The following ASIC2 variants were observed in gnomAD, a reference collection of about 807,000 sequenced individuals.
ASIC2 encodes acid sensing ion channel subunit 2.
In ASIC2, 25 loss-of-function variants were observed where a neutral mutation model predicts 57.3. The ratio of observed to expected loss-of-function variants is 0.44; its 90% CI spans 0.32 to 0.61. The LOEUF is 0.61. Ranked by LOEUF, ASIC2 falls within the 20% of genes least tolerant of loss-of-function variation. The probability of loss-of-function intolerance (pLI) is 0.06; values close to 1 mark genes in which losing one functional copy is unlikely to be tolerated. For synonymous variants in ASIC2, 319 were observed against 307.5 expected (o/e 1.04, Z -0.39); for missense variants, 641 against 738.1 (o/e 0.87, Z 1.52).
At chr17:33,314,639 A>G (rs1355891109) in intron 1 of ASIC2, among the ~76,000 whole-genome samples, 1 of 152,244 alleles carries the variant, frequency 6.6e-6, no homozygotes, top group African/African-American at 2.4e-5. Flanking sequence ...ACCAGGCCTC[A>G]TAAAAAGCAG....
intron 1 of ASIC2, among the ~76,000 whole-genome samples, chr17:33,500,892 C>T (rs1914081221): frequency 6.6e-6 from 1 of 152,250 alleles, no homozygotes; most frequent in Admixed American, 6.5e-5. Context: ...GCCTGGTGTT[C>T]CTTGTATGTG....
At chr17:33,118,634 C>T (rs1287615940) in intron 1 of ASIC2, among the ~76,000 whole-genome samples, 1 of 152,086 alleles carries the variant, frequency 6.6e-6, no homozygotes, top group Admixed American at 6.5e-5. Context: ...GAGCAAAGTG[C>T]CAGACACCAA....
At chr17:33,363,830 G>A (rs577079153) in intron 1 of ASIC2, among the ~76,000 whole-genome samples, 1 of 152,270 alleles carries the variant, frequency 6.6e-6, no homozygotes, top group African/African-American at 2.4e-5. Context: ...CCAAGCTTCC[G>A]GGCACATTGG....
chr17:33,178,506 C>A (rs1315061754), intron 1 of ASIC2, among the ~76,000 whole-genome samples: 1 of 152,176 alleles, frequency 6.6e-6, no homozygotes, highest in Non-Finnish European at 1.5e-5. Flanking sequence ...GGGACAAAAT[C>A]ATAAATAAAA....
At chr17:34,131,212 A>G (rs1911946299) in intron 1 of ASIC2, among the ~76,000 whole-genome samples, 1 of 152,208 alleles carries the variant, frequency 6.6e-6, no homozygotes, top group African/African-American at 2.4e-5. Context: ...GCAAGACAAT[A>G]GAGAGCCATT....
At chr17:33,593,027 A>G (rs1364198998) in intron 1 of ASIC2, among the ~76,000 whole-genome samples, 2 of 152,168 alleles carry the variant, frequency 1.3e-5, no homozygotes, top group East Asian at 3.9e-4. Flanking sequence ...ATTGAAGTGT[A>G]TGTCTATTTT....
chr17:33,465,476 C>T (rs62068226), intron 1 of ASIC2, among the ~76,000 whole-genome samples: 32,883 of 150,890 alleles, frequency 0.22, 3,705 homozygotes, highest in Non-Finnish European at 0.24. Context: ...GGGTTCAAGC[C>T]GATTCTCCTG....
At chr17:33,724,521 A>T (rs1567698567) in intron 1 of ASIC2, among the ~76,000 whole-genome samples, 1 of 152,166 alleles carries the variant, frequency 6.6e-6, no homozygotes, top group African/African-American at 2.4e-5. Context: ...CTGAGTCCAG[A>T]TGTGAAGGAG....
intron 1 of ASIC2, among the ~76,000 whole-genome samples, chr17:33,458,623 T>C (rs1026629955): frequency 2.6e-5 from 4 of 152,154 alleles, no homozygotes; most frequent in African/African-American, 9.7e-5. Context: ...TAGATGAATG[T>C]TTATAAAGCA....
chr17:34,106,154 G>A (rs2142105344), intron 1 of ASIC2, among the ~76,000 whole-genome samples: 1 of 152,050 alleles, frequency 6.6e-6, no homozygotes, highest in East Asian at 1.9e-4. Context: ...GTTGTCTAAT[G>A]TTTCCTTGTG....
At position 33,111,867 on chromosome 17, in the gene ASIC2, C is replaced by T. The variant is rs112516665; in HGVS notation, c.859+50G>A. Reference sequence around the variant, plus strand: ...AGCTCACCAGCCTTTCAGAGTCAGGCCTGCAACCCTCCACCATCACCCAAT... The same window carrying T: ...AGCTCACCAGCCTTTCAGAGTCAGGTCTGCAACCCTCCACCATCACCCAAT... On this transcript the variant is annotated intron_variant, in intron 2 of 9. Coordinates refer to ENST00000225823, the MANE Select transcript of ASIC2 (RefSeq NM_183377.2). 9.6e-4 allele frequency: 1,506 copies of T among 1,563,724 alleles called. 12 individuals are homozygous for T. In the African/African-American group the frequency reaches 0.015, roughly 15 times the overall value.
chr17:33,812,193 G>A (rs1597885807), intron 1 of ASIC2, among the ~76,000 whole-genome samples: 1 of 152,178 alleles, frequency 6.6e-6, no homozygotes, highest in Admixed American at 6.5e-5. Flanking sequence ...GGATCAGCAG[G>A]GTGACGGCAT....
At chr17:34,060,073 G>A (rs2142060017) in intron 1 of ASIC2, among the ~76,000 whole-genome samples, 1 of 152,316 alleles carries the variant, frequency 6.6e-6, no homozygotes, top group South Asian at 2.1e-4. Context: ...CCAAAGCTAA[G>A]GAGTCTCACA....
chr17:34,089,737 A>T (rs1910255170), intron 1 of ASIC2, among the ~76,000 whole-genome samples: 1 of 151,434 alleles, frequency 6.6e-6, no homozygotes, highest in African/African-American at 2.4e-5. Context: ...CCTCAGACTC[A>T]CTCTGATCTT....
chr17:33,791,591 A>G (rs1419311461), intron 1 of ASIC2, among the ~76,000 whole-genome samples: 1 of 152,114 alleles, frequency 6.6e-6, no homozygotes, highest in Non-Finnish European at 1.5e-5. Context: ...TGAGTCCCCA[A>G]ACCTGTATAT....
At chr17:33,940,043 C>A (rs1296165415) in intron 1 of ASIC2, among the ~76,000 whole-genome samples, 1 of 152,192 alleles carries the variant, frequency 6.6e-6, no homozygotes, top group African/African-American at 2.4e-5. Flanking sequence ...CCTGCGTACT[C>A]ATGCATCCTC....
chr17:34,039,352 G>A, intron 1 of ASIC2: 1 of 1,613,986 alleles, frequency 6.2e-7, no homozygotes. Context: ...TGAAACAAAA[G>A]TGAAGCAGAG....
chr17:33,425,102 G>A (rs1316309510), intron 1 of ASIC2, among the ~76,000 whole-genome samples: 2 of 152,188 alleles, frequency 1.3e-5, no homozygotes, highest in African/African-American at 2.4e-5. Context: ...TTGTAAATGA[G>A]GAAACTGAGG....
chr17:33,174,742 G>C (rs1905674935), intron 1 of ASIC2, among the ~76,000 whole-genome samples: 1 of 152,154 alleles, frequency 6.6e-6, no homozygotes, highest in Non-Finnish European at 1.5e-5. Flanking sequence ...CCCGTGTCCT[G>C]GTGACTATGG....
Sources: allele counts gnomAD v4.1 joint callset (sites outside exome capture counted in the v4.1 genomes callset), GRCh38; gene constraint gnomAD v4.1.1; transcripts MANE v1.5; gene names NCBI Gene and HGNC (gene_info 2026-07-23, HGNC 2026-07-21).